ROBO2: variants seen among roughly 807,000 people sequenced by gnomAD.
The protein encoded by ROBO2 is roundabout homolog 2.
ROBO2 carries 53 observed loss-of-function variants against 160.8 expected under a neutral mutation model. The ratio of observed to expected loss-of-function variants is 0.33; its 90% CI spans 0.26 to 0.41. ROBO2 has a LOEUF of 0.41. ROBO2 is among the 10% of genes least tolerant of loss of function. The probability of loss-of-function intolerance (pLI) is 1.00; values close to 1 mark genes in which losing one functional copy is unlikely to be tolerated. For synonymous variants in ROBO2, 664 were observed against 611.7 expected (o/e 1.09, Z -1.26); for missense variants, 1,577 against 1,722.4 (o/e 0.92, Z 1.49).
At chr3:77,463,206 C>A (rs565599881) in intron 2 of ROBO2, among the ~76,000 whole-genome samples, 138 of 152,222 alleles carry the variant, frequency 9.1e-4, no homozygotes, top group South Asian at 7.3e-3. Flanking sequence ...TCTGTTACCT[C>A]ACAGAGGTAG....
At chr3:77,530,643 C>T (rs2091628870) in intron 6 of ROBO2, among the ~76,000 whole-genome samples, 1 of 151,942 alleles carries the variant, frequency 6.6e-6, no homozygotes. Flanking sequence ...ACCAGTGGGT[C>T]AGAAAGAGCT....
intron 2 of ROBO2, among the ~76,000 whole-genome samples, chr3:77,250,115 G>T (rs1166335256): frequency 1.3e-5 from 2 of 152,102 alleles, no homozygotes; most frequent in Non-Finnish European, 2.9e-5. Flanking sequence ...TACCTAGATT[G>T]CTTCAACTGC....
At chr3:76,334,148 AT>A (rs1231766326) in intron 2 of ROBO2, among the ~76,000 whole-genome samples, 22 of 151,988 alleles carry the variant, frequency 1.4e-4, no homozygotes, top group Admixed American at 5.9e-4. Context: ...TAATAAAAAA[AT>A]ATATATATAT....
chr3:76,175,978 T>C (rs887018881), intron 2 of ROBO2, among the ~76,000 whole-genome samples: 2 of 151,548 alleles, frequency 1.3e-5, no homozygotes, highest in African/African-American at 2.4e-5. Context: ...GAATTTTTTA[T>C]TTTTTTTTCT....
At chr3:77,251,463 G>A (rs1362028907) in intron 2 of ROBO2, among the ~76,000 whole-genome samples, 2 of 152,078 alleles carry the variant, frequency 1.3e-5, no homozygotes, top group East Asian at 1.9e-4. Flanking sequence ...TGCTCTCAAC[G>A]CCCTAGCTTG....
chr3:77,112,262 G>T (rs1228605618), intron 2 of ROBO2, among the ~76,000 whole-genome samples: 2 of 150,944 alleles, frequency 1.3e-5, no homozygotes, highest in African/African-American at 4.9e-5. Flanking sequence ...GGGGACGCAG[G>T]GGCCGGAGTC....
At chr3:77,576,873 T>A (rs2093780257) in intron 14 of ROBO2, among the ~76,000 whole-genome samples, 1 of 152,196 alleles carries the variant, frequency 6.6e-6, no homozygotes. Context: ...TTTTCTGTGT[T>A]GATGACATTT....
At chr3:77,596,281 C>T (rs2153688352) in intron 18 of ROBO2, among the ~76,000 whole-genome samples, 1 of 152,256 alleles carries the variant, frequency 6.6e-6, no homozygotes, top group East Asian at 1.9e-4. Flanking sequence ...AAATGGCTGA[C>T]ATAGAGCAGT....
chr3:76,731,053 C>T lies in ROBO2; in HGVS notation c.110-366961C>T, dbSNP rs571367333. Among the ~76,000 whole-genome samples, 49 of 151,832 alleles carry T rather than the reference C, an allele frequency of 3.2e-4. 2 individuals carry two copies. The highest frequency in any genetic ancestry group is 1.0e-3 in the African/African-American group (43 of 41,268). ...CTCCCTACCCGCTTTTCTTCACCTC[C>T]TATTCCCTACCCGCTTTTCCATGCC... is the stretch of plus-strand genomic sequence containing the variant. On this transcript the variant is annotated intron_variant, in intron 2 of 26. Coordinates refer to the ROBO2 transcript ENST00000487694.
intron 1 of ROBO2, chr3:77,091,945 C>CCTCCAGCTG (rs1259990481): frequency 1.3e-5 from 2 of 150,790 alleles, no homozygotes; most frequent in Admixed American, 1.3e-4. Context: ...ATACCACTGC[C>CCTCCAGCTG]CTCCAGCTTG....
chr3:76,292,298 G>A (rs1708843691), intron 2 of ROBO2, among the ~76,000 whole-genome samples: 1 of 152,112 alleles, frequency 6.6e-6, no homozygotes, highest in Non-Finnish European at 1.5e-5. Flanking sequence ...AGCACCACAC[G>A]AATTAACTCA....
intron 2 of ROBO2, among the ~76,000 whole-genome samples, chr3:77,247,557 T>G (rs2089868151): frequency 6.6e-6 from 1 of 152,324 alleles, no homozygotes. Flanking sequence ...CTCTCACAAA[T>G]ACAGTGGCTC....
At chr3:76,806,223 G>GTGTGTA (rs1422072017) in intron 2 of ROBO2, among the ~76,000 whole-genome samples, 3 of 150,838 alleles carry the variant, frequency 2.0e-5, no homozygotes, top group Non-Finnish European at 4.4e-5. Flanking sequence ...GCGTGTGTGT[G>GTGTGTA]TGTGTGTGTG....
intron 16 of ROBO2, among the ~76,000 whole-genome samples, chr3:77,587,507 G>A (rs893589655): frequency 2.6e-5 from 4 of 151,822 alleles, no homozygotes; most frequent in African/African-American, 9.7e-5. Context: ...AACTTACATG[G>A]GTCATAATTT....
At chr3:76,919,643 A>G (rs552338866) in intron 2 of ROBO2, among the ~76,000 whole-genome samples, 1 of 152,292 alleles carries the variant, frequency 6.6e-6, no homozygotes, top group South Asian at 2.1e-4. Flanking sequence ...AAGGAAAAAC[A>G]ATGTTAATAT....
At chr3:77,222,102 C>T (rs144593732) in intron 2 of ROBO2, among the ~76,000 whole-genome samples, 3,815 of 152,106 alleles carry the variant, frequency 0.025, 64 homozygotes, top group Non-Finnish European at 0.037. Context: ...CCACCCACCT[C>T]GGCCTCCCAA....
chr3:76,710,293 G>GT (rs1472339674), intron 2 of ROBO2, among the ~76,000 whole-genome samples: 12 of 151,960 alleles, frequency 7.9e-5, no homozygotes, highest in Admixed American at 5.2e-4. Context: ...GCTTATTTTT[G>GT]TATTTTTAGC....
intron 2 of ROBO2, among the ~76,000 whole-genome samples, chr3:77,226,927 C>A (rs1259208220): frequency 6.6e-6 from 1 of 152,186 alleles, no homozygotes; most frequent in East Asian, 1.9e-4. Flanking sequence ...AAGTCGGTGA[C>A]TGTGCTCGGT....
At chr3:76,050,042 C>T (rs954908418) in intron 2 of ROBO2, among the ~76,000 whole-genome samples, 2 of 152,074 alleles carry the variant, frequency 1.3e-5, no homozygotes, top group African/African-American at 4.8e-5. Flanking sequence ...TGAGTGTCAA[C>T]TTGATTGGAT....
Sources: allele counts gnomAD v4.1 joint callset (sites outside exome capture counted in the v4.1 genomes callset), GRCh38; gene constraint gnomAD v4.1.1; transcripts MANE v1.5; gene names NCBI Gene and HGNC (gene_info 2026-07-23, HGNC 2026-07-21).